The following MALSU1 variants were observed in gnomAD, a reference collection of about 807,000 sequenced individuals.
The protein encoded by MALSU1 is mitochondrial assembly of ribosomal large subunit 1, also known as mitochondrial assembly of ribosomal large subunit protein 1.
A neutral mutation model predicts 22.1 loss-of-function variants in MALSU1; 22 were observed. That is an observed-to-expected ratio of 1.00 (90% CI 0.71 to 1.42). The LOEUF (loss-of-function observed/expected upper bound fraction) is 1.42, where lower values mean the gene tolerates loss of function less well. MALSU1 is among the 40% of genes most tolerant of loss of function. The probability of loss-of-function intolerance (pLI) is 0.00; values close to 1 mark genes in which losing one functional copy is unlikely to be tolerated. For synonymous variants in MALSU1, 153 were observed against 118.5 expected, an observed-to-expected ratio of 1.29 and a Z score of -1.89; for missense variants, 379 against 308.3, an observed-to-expected ratio of 1.23 and a Z score of -1.72.
intron 2 of MALSU1, among the ~76,000 whole-genome samples, chr7:23,306,295 C>T (rs1006735416): frequency 9.2e-5 from 14 of 151,904 alleles, no homozygotes; most frequent in Admixed American, 3.9e-4. Flanking sequence ...TATAGAAATA[C>T]GATGGATTTT....
intron 3 of MALSU1, among the ~76,000 whole-genome samples, chr7:23,308,522 C>T (rs1783754800): frequency 6.6e-6 from 1 of 152,118 alleles, no homozygotes; most frequent in South Asian, 2.1e-4. Flanking sequence ...AATACATTGT[C>T]CCGCCAGTTT....
chr7:23,303,808 CAAAAG>C (rs1020418277), intron 2 of MALSU1, among the ~76,000 whole-genome samples: 1 of 61,572 alleles, frequency 1.6e-5, no homozygotes, highest in African/African-American at 6.2e-5. Context: ...GACGCTGTCT[CAAAAG>C]AAAAAAAAAA....
chr7:23,308,940 G>A (rs571669156), intron 3 of MALSU1, among the ~76,000 whole-genome samples: 10 of 152,300 alleles, frequency 6.6e-5, no homozygotes, highest in Admixed American at 3.9e-4. Flanking sequence ...TGTAAGCAAA[G>A]CTGCCCTTTG....
intron 2 of MALSU1, among the ~76,000 whole-genome samples, chr7:23,304,633 AG>A (rs1783701118): frequency 6.6e-6 from 1 of 152,146 alleles, no homozygotes; most frequent in Admixed American, 6.6e-5. Flanking sequence ...CCAAGTTGCT[AG>A]GACTAGAGGA....
At position 23,309,559 on chromosome 7, in the gene MALSU1, G is replaced by C; in HGVS notation, c.*16G>C. 6.4e-7 allele frequency: 1 copy of C among 1,562,668 alleles called. No individual in the cohort carries two copies. Among genetic ancestry groups the C allele is most frequent in the Non-Finnish European group, 8.7e-7 (1 of 1,155,812 alleles). ...ATGTGAATAAAATATTTTATGCACT[G>C]CGTTAGTCATTTCAGATTTGGATTG... On this transcript the variant is annotated 3_prime_UTR_variant, in exon 4 of 4. Transcript: ENST00000466681.
At chr7:23,302,857 G>T (rs113585740) in intron 2 of MALSU1, among the ~76,000 whole-genome samples, 3 of 152,026 alleles carry the variant, frequency 2.0e-5, no homozygotes, top group Admixed American at 2.0e-4. Context: ...GCTCACTGCA[G>T]TCTCCGCCTC....
chr7:23,306,611 T>C (rs1011914968), intron 2 of MALSU1, among the ~76,000 whole-genome samples: 5 of 152,216 alleles, frequency 3.3e-5, no homozygotes, highest in African/African-American at 4.8e-5. Flanking sequence ...AATTTCCTTT[T>C]ATGCCCACTT....
intron 2 of MALSU1, among the ~76,000 whole-genome samples, chr7:23,301,628 A>G (rs982969721): frequency 2.6e-5 from 4 of 152,196 alleles, no homozygotes; most frequent in African/African-American, 9.6e-5. Flanking sequence ...TAGAGGCACT[A>G]TCCATTACGG....
Position 23,299,547 on chromosome 7 carries a change from T to A in MALSU1, c.195T>A (p.Pro65=). 1 of 1,611,798 alleles carries A rather than the reference T, an allele frequency of 6.2e-7. No individual in the cohort carries two copies. Residue 65 remains proline (P), a synonymous_variant, in exon 1 of 4, where the codon CCT becomes CCA. Transcript: ENST00000466681. ...TTGTCCGCGGCCTGCACAGCGAGCC[T>A]GGGCTGGAGGAGCGGGCGGAGGGGA... The part of the protein sequence containing the change: ...PNFVRGLHSE[P]GLEERAEGTV...
chr7:23,300,153 CT>C (rs986367380), intron 1 of MALSU1, among the ~76,000 whole-genome samples: 5 of 151,890 alleles, frequency 3.3e-5, no homozygotes, highest in Non-Finnish European at 7.4e-5. Context: ...CTTGGGCGAG[CT>C]TTTAAATTTA....
rs540294608 is a variant in MALSU1, at chr7:23,308,011, T to C, written c.517+62T>C. On this transcript the variant is annotated intron_variant, in intron 3 of 3. Coordinates refer to ENST00000466681, the MANE Select transcript of MALSU1 (RefSeq NM_138446.2). Reference sequence around the variant, plus strand: ...GTACTACGCTAATCTTGAATTGTTTTCAGTTGCAAAAGGATTGAGATCAAA... The same window carrying C: ...GTACTACGCTAATCTTGAATTGTTTCCAGTTGCAAAAGGATTGAGATCAAA... 500 of 1,212,108 alleles carry C rather than the reference T, an allele frequency of 4.1e-4. 6 individuals carry two copies. Among genetic ancestry groups the C allele is most frequent in the South Asian group, 2.1e-3 (171 of 81,218 alleles). The allele number at this position is 1,212,108 out of a possible 1,614,324, so 75.1% of individuals were successfully genotyped here. A position where few individuals can be genotyped will look rare whatever the true frequency, so the allele number is the denominator to read the frequency against.
chr7:23,301,220 A>G, intron 2 of MALSU1: 1 of 442,902 alleles, frequency 2.3e-6, no homozygotes, highest in Non-Finnish European at 4.0e-6. Context: ...TTGAGTTAGG[A>G]TATATCAAAA....
intron 2 of MALSU1, among the ~76,000 whole-genome samples, chr7:23,303,771 T>C (rs1353515495): frequency 6.8e-6 from 1 of 146,078 alleles, no homozygotes; most frequent in Non-Finnish European, 1.5e-5. Flanking sequence ...ATTGTACTAC[T>C]GCACTCCACC....
At position 23,299,511 on chromosome 7, in the gene MALSU1, G is replaced by C; in HGVS notation, c.159G>C (p.Gln53His). 6.2e-7 allele frequency: 1 copy of C among 1,612,720 alleles called. No individual in the cohort carries two copies. The highest frequency in any genetic ancestry group is 8.5e-7 in the Non-Finnish European group (1 of 1,179,900). The stretch of plus-strand genomic sequence containing the variant: ...GAGCAGCGTTCTGCCGGGCTTGCCA[G>C]ACCCCAAACTTTGTCCGCGGCCTGC... ...PVGAAFCRAC[Q>H]TPNFVRGLHS... The change falls in exon 1 of 4, where the codon CAG (glutamine) becomes CAC (histidine). Residue 53 changes from glutamine (Q) to histidine (H), a missense_variant. Gln to His is a conservative substitution (Grantham distance 24). Transcript: ENST00000466681.
At position 23,299,422 on chromosome 7, in the gene MALSU1, G is replaced by C. The variant is rs763768573; in HGVS notation, c.70G>C (p.Ala24Pro). 2 of 1,602,316 alleles carry C rather than the reference G, an allele frequency of 1.2e-6. No individual in the cohort carries two copies. The highest frequency in any genetic ancestry group is 1.7e-6 in the Non-Finnish European group (2 of 1,178,324). ...LMWRRAVSSV[A>P]GSAVGAEPGL... is the part of the protein sequence containing the mutation. ...GTGGCGCAGGGCGGTTTCCTCGGTG[G>C]CGGGGTCCGCGGTTGGAGCCGAGCC... is the stretch of plus-strand genomic sequence containing the variant. Residue 24 changes from alanine (A) to proline (P), a missense_variant, in exon 1 of 4, where the codon GCG (alanine) becomes CCG (proline). Physicochemically the swap from Ala to Pro is conservative, Grantham distance 27. Transcript: ENST00000466681.
intron 2 of MALSU1, among the ~76,000 whole-genome samples, chr7:23,306,602 A>G (rs1783725816): frequency 6.6e-6 from 1 of 152,060 alleles, no homozygotes; most frequent in African/African-American, 2.4e-5. Context: ...TGTTGAGGTA[A>G]TTTCCTTTTA....
At position 23,309,755 on chromosome 7, in the gene MALSU1, C is replaced by T. The variant is rs997200721; in HGVS notation, c.*212C>T. ...AGTACATTCTACCCAAAACTTATGACACGCTGCCTTTATCCTGGAAATGTC... is the reference window on the plus strand; with the variant it reads ...AGTACATTCTACCCAAAACTTATGATACGCTGCCTTTATCCTGGAAATGTC... On this transcript the variant is annotated 3_prime_UTR_variant, in exon 4 of 4. Coordinates refer to ENST00000466681, the MANE Select transcript of MALSU1 (RefSeq NM_138446.2). 3 of 333,238 alleles carry T rather than the reference C, an allele frequency of 9.0e-6. No homozygotes were observed. Among genetic ancestry groups the T allele is most frequent in the Non-Finnish European group, 1.6e-5 (3 of 184,332 alleles). 20.6% of individuals were successfully genotyped at this position (333,238 alleles called of 1,614,324 possible). A position where few individuals can be genotyped will look rare whatever the true frequency, so the allele number is the denominator to read the frequency against.
intron 1 of MALSU1, among the ~76,000 whole-genome samples, chr7:23,300,287 AAAT>A (rs764447034): frequency 7.2e-5 from 11 of 152,188 alleles, no homozygotes; most frequent in Non-Finnish European, 1.5e-4. Flanking sequence ...GGAAGGTTCA[AAAT>A]AATAATTACT....
At chr7:23,301,257 A>ATTT in intron 2 of MALSU1, 10 of 270,246 alleles carry the variant, frequency 3.7e-5, no homozygotes, top group South Asian at 1.1e-4. Flanking sequence ...CGCAAGGAAG[A>ATTT]TTTTTTTTTT....
Sources: allele counts gnomAD v4.1 joint callset (sites outside exome capture counted in the v4.1 genomes callset), GRCh38; gene constraint gnomAD v4.1.1; transcripts MANE v1.5; gene names NCBI Gene and HGNC (gene_info 2026-07-23, HGNC 2026-07-21).